The following NFATC3 variants were observed in gnomAD, a reference collection of about 807,000 sequenced individuals.
NFATC3 encodes the protein nuclear factor of activated T-cells, cytoplasmic 3.
Under a neutral mutation model 98.6 loss-of-function variants are expected in NFATC3, and 46 were observed. That is an observed-to-expected ratio of 0.47 (90% confidence interval 0.37 to 0.60). NFATC3 has a LOEUF of 0.60. Ranked by LOEUF, NFATC3 falls within the 20% of genes least tolerant of loss-of-function variation. The pLI, the probability that NFATC3 is intolerant of heterozygous loss-of-function variation, is 0.00. For missense variants in NFATC3, 1,256 were observed against 1,295.5 expected, an observed-to-expected ratio of 0.97 and a Z score of 0.47; for synonymous variants, 512 against 472.2, an observed-to-expected ratio of 1.08 and a Z score of -1.09.
chr16:68,212,067 C>T (rs951332344), intron 9 of NFATC3, among the ~76,000 whole-genome samples: 5 of 152,194 alleles, frequency 3.3e-5, no homozygotes, highest in Admixed American at 2.0e-4. Flanking sequence ...CCTGTAATCA[C>T]ATGTTCTATA....
At chr16:68,095,535 G>T (rs2034976999) in intron 1 of NFATC3, among the ~76,000 whole-genome samples, 1 of 151,808 alleles carries the variant, frequency 6.6e-6, no homozygotes, top group Non-Finnish European at 1.5e-5. Flanking sequence ...TGTATTCTTA[G>T]TAGAGACAGG....
chr16:68,176,943 A>G (rs976021428), intron 6 of NFATC3, among the ~76,000 whole-genome samples: 2 of 144,696 alleles, frequency 1.4e-5, no homozygotes, highest in African/African-American at 5.2e-5. Flanking sequence ...CTTGTGATAT[A>G]TTTCTATTTG....
chr16:68,190,612 C>T (rs2040393546), intron 8 of NFATC3, among the ~76,000 whole-genome samples, 156 bp from the exon 9 acceptor site: 1 of 152,148 alleles, frequency 6.6e-6, no homozygotes, highest in African/African-American at 2.4e-5. Context: ...TCTACACGTA[C>T]ACACAGACAT....
intron 6 of NFATC3, among the ~76,000 whole-genome samples, chr16:68,177,963 C>G (rs759181787): frequency 3.9e-5 from 6 of 152,176 alleles, no homozygotes; most frequent in African/African-American, 1.2e-4. Context: ...TACTCTCCTT[C>G]TTAACACTTT....
chr16:68,117,785 T>C (rs1308005887), intron 1 of NFATC3, among the ~76,000 whole-genome samples: 1 of 152,192 alleles, frequency 6.6e-6, no homozygotes, highest in East Asian at 1.9e-4. Context: ...CCCAAAGTTC[T>C]GGGATTACAG....
chr16:68,096,657 G>C (rs186108260), intron 1 of NFATC3, among the ~76,000 whole-genome samples: 73 of 152,306 alleles, frequency 4.8e-4, no homozygotes, highest in Non-Finnish European at 8.1e-4. Flanking sequence ...TCTGAGTAGA[G>C]AGGTCAGAGA....
chr16:68,120,407 G>A (rs570848673), intron 1 of NFATC3, among the ~76,000 whole-genome samples: 1 of 151,770 alleles, frequency 6.6e-6, no homozygotes, highest in East Asian at 1.9e-4. Flanking sequence ...GCAAAACCCT[G>A]TCTCTACTAA....
At chr16:68,128,097 A>G (rs1482236618) in intron 3 of NFATC3, among the ~76,000 whole-genome samples, 1 of 152,172 alleles carries the variant, frequency 6.6e-6, no homozygotes, top group African/African-American at 2.4e-5. Context: ...ACTAAAATAT[A>G]GAAATGGCTG....
intron 3 of NFATC3, among the ~76,000 whole-genome samples, chr16:68,139,988 T>TTTAAATTTTTATTA (rs1598430257): frequency 6.6e-6 from 1 of 152,158 alleles, no homozygotes; most frequent in Admixed American, 6.5e-5. Context: ...GATTTTTATT[T>TTTAAATTTTTATTA]TTAAATTTTT....
chr16:68,135,180 C>T (rs887041102), intron 3 of NFATC3, among the ~76,000 whole-genome samples: 1 of 151,858 alleles, frequency 6.6e-6, no homozygotes, highest in African/African-American at 2.4e-5. Context: ...GAACTGTGGC[C>T]GGGCGCGGTG....
chr16:68,086,667 A>G (rs1290850658), intron 1 of NFATC3: 6 of 985,300 alleles, frequency 6.1e-6, no homozygotes, highest in Non-Finnish European at 7.2e-6. Flanking sequence ...AATGGATAAG[A>G]GTAATCCCTA....
intron 3 of NFATC3, among the ~76,000 whole-genome samples, chr16:68,150,356 C>T (rs2038250028): frequency 6.8e-6 from 1 of 147,436 alleles, no homozygotes; most frequent in Non-Finnish European, 1.5e-5. Context: ...GCAGGAGGAT[C>T]ACTTGAAACC....
intron 3 of NFATC3, among the ~76,000 whole-genome samples, chr16:68,147,296 T>A (rs2038085252): frequency 6.6e-6 from 1 of 152,228 alleles, no homozygotes; most frequent in African/African-American, 2.4e-5. Flanking sequence ...TATTCTCTAT[T>A]TTAGATTTAA....
chr16:68,139,769 G>T (rs989876497), intron 3 of NFATC3, among the ~76,000 whole-genome samples: 16 of 152,296 alleles, frequency 1.1e-4, no homozygotes, highest in South Asian at 2.1e-4. Flanking sequence ...GTTTGCTAAT[G>T]TAGCTGGGGG....
At chr16:68,214,206 G>A in intron 9 of NFATC3, 1 of 639,306 alleles carries the variant, frequency 1.6e-6, no homozygotes, top group Non-Finnish European at 2.8e-6. Context: ...TGCAGTGATT[G>A]ACAAGTAAAA....
intron 4 of NFATC3, among the ~76,000 whole-genome samples, chr16:68,160,385 A>G (rs1218756341): frequency 6.6e-6 from 1 of 152,044 alleles, no homozygotes; most frequent in Non-Finnish European, 1.5e-5. Context: ...GAATCGCTTG[A>G]ATCCAGGAGG....
chr16:68,107,597 C>A (rs2035728543), intron 1 of NFATC3, among the ~76,000 whole-genome samples: 1 of 152,070 alleles, frequency 6.6e-6, no homozygotes, highest in African/African-American at 2.4e-5. Flanking sequence ...GTGGTGCATG[C>A]CTGTAGTCCC....
At chr16:68,105,336 G>A (rs1043808327) in intron 1 of NFATC3, among the ~76,000 whole-genome samples, 2 of 151,704 alleles carry the variant, frequency 1.3e-5, no homozygotes, top group South Asian at 4.2e-4. Context: ...AGTGATCCAC[G>A]TGCCTCAGCC....
chr16:68,183,206 C>T (rs749968768), intron 7 of NFATC3, 34 bp from the exon 8 acceptor site: 1 of 1,541,570 alleles, frequency 6.5e-7, no homozygotes, highest in Non-Finnish European at 8.7e-7. Context: ...ATTTTTAGTT[C>T]TGAGTGTAAC....
Sources: gnomAD v4.1 joint callset for allele counts (sites outside exome capture counted in the v4.1 genomes callset) on GRCh38, gnomAD v4.1.1 for gene constraint, MANE v1.5 for transcripts, NCBI Gene and HGNC (gene_info 2026-07-23, HGNC 2026-07-21) for gene names.